DMD: variants seen among roughly 807,000 people sequenced by gnomAD.
DMD encodes dystrophin.
In DMD, 63 loss-of-function variants were observed where a neutral mutation model predicts 330.1. That is an observed-to-expected ratio of 0.19 (90% CI 0.16 to 0.24). The LOEUF (loss-of-function observed/expected upper bound fraction) is 0.24, where lower values mean the gene tolerates loss of function less well. DMD is among the 10% of genes least tolerant of loss of function. The pLI, the probability that DMD is intolerant of heterozygous loss-of-function variation, is 1.00. For missense variants in DMD, 3,344 were observed against 2,684.1 expected, an observed-to-expected ratio of 1.25 and a Z score of -5.43; for synonymous variants, 1,223 against 959.8, an observed-to-expected ratio of 1.27 and a Z score of -5.07.
chrX:32,449,300 T>C (rs911555311), intron 26 of DMD, among the ~76,000 whole-genome samples: 4 of 110,778 alleles, frequency 3.6e-5, no homozygotes, highest in Middle Eastern at 4.6e-3. Flanking sequence ...GTTTCCATAA[T>C]GGATCAAGAC....
At chrX:32,700,736 G>T (rs868674458) in intron 7 of DMD, among the ~76,000 whole-genome samples, 25 of 110,926 alleles carry the variant, frequency 2.3e-4, no homozygotes, top group African/African-American at 7.2e-4. Flanking sequence ...ATAAATCCTG[G>T]CAGGAGGTCA....
At chrX:33,306,386 C>A (rs183649792) in intron 1 of DMD, among the ~76,000 whole-genome samples, 11 of 111,770 alleles carry the variant, frequency 9.8e-5, no homozygotes, top group Admixed American at 2.9e-4. Flanking sequence ...TAACAAGGAA[C>A]AGAAATATAC....
At chrX:32,733,115 A>T (rs1300563710) in intron 7 of DMD, among the ~76,000 whole-genome samples, 15 of 108,441 alleles carry the variant, frequency 1.4e-4, no homozygotes, top group Non-Finnish European at 2.3e-4. Flanking sequence ...TTGCAATCCT[A>T]GTCTCTGATA....
intron 67 of DMD, among the ~76,000 whole-genome samples, chrX:31,192,256 T>G (rs779620318): frequency 4.5e-5 from 5 of 112,265 alleles, no homozygotes; most frequent in African/African-American, 6.5e-5. Flanking sequence ...AAAGACTCTA[T>G]AAAACTATAC....
chrX:31,536,458 G>A (rs896192203), intron 55 of DMD, among the ~76,000 whole-genome samples: 1 of 111,511 alleles, frequency 9.0e-6, no homozygotes, highest in Admixed American at 9.6e-5. Context: ...AGCAATGAAA[G>A]GTACTTGAAA....
chrX:31,876,717 A>C (rs1337252611), intron 47 of DMD, among the ~76,000 whole-genome samples: 4 of 110,030 alleles, frequency 3.6e-5, no homozygotes. Flanking sequence ...ACAAAAAACA[A>C]AACAAAACAA....
intron 9 of DMD, among the ~76,000 whole-genome samples, chrX:32,676,478 C>A (rs2061977377): frequency 9.0e-6 from 1 of 111,389 alleles, no homozygotes; most frequent in Admixed American, 9.6e-5. Context: ...CTATTTTTCT[C>A]AGAATTTCAT....
At chrX:31,233,611 CG>C (rs772460069) in intron 63 of DMD, among the ~76,000 whole-genome samples, 72 of 111,617 alleles carry the variant, frequency 6.5e-4, no homozygotes, top group African/African-American at 2.1e-3. Flanking sequence ...TTGTGGAAAG[CG>C]TATTTTAATG....
chrX:32,724,994 C>T (rs2066714672), intron 7 of DMD, among the ~76,000 whole-genome samples: 1 of 111,664 alleles, frequency 9.0e-6, no homozygotes, highest in Admixed American at 9.6e-5. Flanking sequence ...GCGTAAATAA[C>T]ACAGCCTCAA....
intron 53 of DMD, among the ~76,000 whole-genome samples, chrX:31,663,913 C>T (rs2081273670): frequency 8.9e-6 from 1 of 112,101 alleles, no homozygotes; most frequent in African/African-American, 3.2e-5. Flanking sequence ...GAAAATCAGG[C>T]TTCTGCCATC....
chrX:32,513,637 A>G (rs1211252085), intron 18 of DMD, among the ~76,000 whole-genome samples: 2 of 111,768 alleles, frequency 1.8e-5, no homozygotes, highest in Non-Finnish European at 1.9e-5. Flanking sequence ...GAAAGAATAA[A>G]GGAGGTCTGG....
chrX:33,082,790 G>C (rs1418795284), intron 1 of DMD, among the ~76,000 whole-genome samples: 1 of 112,080 alleles, frequency 8.9e-6, no homozygotes, highest in East Asian at 2.8e-4. Flanking sequence ...ATTTCATAGA[G>C]TATTGGTTTC....
At chrX:32,514,725 C>T (rs767788786) in intron 18 of DMD, among the ~76,000 whole-genome samples, 7 of 112,417 alleles carry the variant, frequency 6.2e-5, no homozygotes, top group Middle Eastern at 4.6e-3. Flanking sequence ...TGGGACAGAG[C>T]GAGACTCCGT....
chrX:33,130,078 G>T (rs2148533189), intron 1 of DMD, among the ~76,000 whole-genome samples: 1 of 111,947 alleles, frequency 8.9e-6, no homozygotes, highest in African/African-American at 3.2e-5. Flanking sequence ...GCCAAAGTTA[G>T]AGAAATTAAG....
chrX:33,294,033 AAAG>A (rs750097755), intron 1 of DMD, among the ~76,000 whole-genome samples: 3 of 111,167 alleles, frequency 2.7e-5, no homozygotes, highest in African/African-American at 6.5e-5. Context: ...TGATAAGTAA[AAAG>A]AAGAAGAGAA....
At chrX:31,957,095 C>T (rs954948064) in intron 45 of DMD, among the ~76,000 whole-genome samples, 1 of 111,501 alleles carries the variant, frequency 9.0e-6, no homozygotes, top group South Asian at 3.8e-4. Context: ...CTGTGGGAGG[C>T]TAAGATGAGT....
chrX:33,171,364 T>G (rs1235443975), intron 1 of DMD, among the ~76,000 whole-genome samples: 4 of 111,279 alleles, frequency 3.6e-5, no homozygotes, highest in African/African-American at 9.8e-5. Flanking sequence ...ATGGCTTAGT[T>G]TTAATGTTAA....
At chrX:33,303,409 A>T (rs1195395381) in intron 1 of DMD, among the ~76,000 whole-genome samples, 1 of 111,928 alleles carries the variant, frequency 8.9e-6, no homozygotes, top group East Asian at 2.8e-4. Context: ...CACCGAAGAG[A>T]CTTACATATA....
chrX:32,628,295 TAA>T (rs2058501839), intron 11 of DMD, among the ~76,000 whole-genome samples: 1 of 66,576 alleles, frequency 1.5e-5, no homozygotes, highest in Non-Finnish European at 2.5e-5. Context: ...TTTTTTTTTT[TAA>T]GCTCTCACAA....
Sources: gnomAD v4.1 joint callset for allele counts (sites outside exome capture counted in the v4.1 genomes callset) on GRCh38, gnomAD v4.1.1 for gene constraint, MANE v1.5 for transcripts, NCBI Gene and HGNC (gene_info 2026-07-23, HGNC 2026-07-21) for gene names.